The following PROK2 variants were observed in gnomAD, a reference collection of about 807,000 sequenced individuals.
PROK2 encodes prokineticin-2.
PROK2 carries 8 observed loss-of-function variants against 14.2 expected under a neutral mutation model. The ratio of observed to expected loss-of-function variants is 0.56; its 90% CI spans 0.33 to 1.02. The LOEUF (loss-of-function observed/expected upper bound fraction) is 1.02. PROK2 is among the 50% of genes least tolerant of loss of function. The pLI, the probability that PROK2 is intolerant of heterozygous loss-of-function variation, is 0.03. For missense variants in PROK2, 154 were observed against 160.4 expected (o/e 0.96, Z 0.22); for synonymous variants, 59 against 60.7 (o/e 0.97, Z 0.13).
rs72953277 is a variant in PROK2, at chr3:71,773,965, A to G, written c.285+480T>C. ...TTCCTGAGAATCTGCCTGTCTTACA[A>G]GTTATACGGAGAAAGTTTAATCCCA... On this transcript the variant is annotated intron_variant, in intron 3 of 3. Transcript: ENST00000295619. Among the ~76,000 whole-genome samples the G allele has an allele frequency of 7.8e-3, 1,181 of 152,312 alleles. 15 individuals carry two copies. Among genetic ancestry groups the G allele is most frequent in the African/African-American group, 0.027 (1,121 of 41,558 alleles).
intron 2 of PROK2, among the ~76,000 whole-genome samples, chr3:71,775,292 G>A (rs1284929662): frequency 1.3e-5 from 2 of 152,166 alleles, no homozygotes; most frequent in South Asian, 2.1e-4. Flanking sequence ...AACAGATACT[G>A]AGTGCTACCT....
At chr3:71,774,729 T>C (rs2050105405) in intron 2 of PROK2, among the ~76,000 whole-genome samples, 1 of 152,200 alleles carries the variant, frequency 6.6e-6, no homozygotes, top group African/African-American at 2.4e-5. Context: ...GTGCTCAGAA[T>C]GGTTCTGTCA....
Position 71,773,107 on chromosome 3 carries a change from G to C in PROK2, c.286-279C>G, listed in dbSNP as rs2050093188. Among the ~76,000 whole-genome samples, 3 of 152,220 alleles carry C rather than the reference G, an allele frequency of 2.0e-5. No homozygotes were observed. The South Asian group carries it at 6.2e-4, about 32-fold the overall frequency. On this transcript the variant is annotated intron_variant, in intron 3 of 3. Transcript: ENST00000295619. ...CGATTCTTCTGCCTCGGGCTCCCGAGTAGCTGGGACTACAGGTGCATGCCA... is the reference window on the plus strand; with the variant it reads ...CGATTCTTCTGCCTCGGGCTCCCGACTAGCTGGGACTACAGGTGCATGCCA...
chr3:71,773,630 T>C (rs568295525), intron 3 of PROK2, among the ~76,000 whole-genome samples: 3 of 152,356 alleles, frequency 2.0e-5, no homozygotes, highest in Non-Finnish European at 2.9e-5. Context: ...TATTAATTCA[T>C]ACATTTGCAC....
At chr3:71,776,846 C>T (rs1054461256) in intron 2 of PROK2, among the ~76,000 whole-genome samples, 2 of 152,310 alleles carry the variant, frequency 1.3e-5, no homozygotes, top group East Asian at 3.9e-4. Flanking sequence ...ACCACTTAGT[C>T]CAAACTTCAT....
intron 3 of PROK2, among the ~76,000 whole-genome samples, chr3:71,773,367 G>A (rs544817707): frequency 1.3e-4 from 20 of 152,132 alleles, no homozygotes; most frequent in Admixed American, 7.2e-4. Context: ...CCATTTTACC[G>A]ATGAGAGAAT....
chr3:71,782,663 C>T (rs1277552225), intron 1 of PROK2, among the ~76,000 whole-genome samples: 1 of 152,140 alleles, frequency 6.6e-6, no homozygotes, highest in Non-Finnish European at 1.5e-5. Flanking sequence ...ATCATCTAGG[C>T]ACAAATTTAA....
chr3:71,776,137 A>C (rs1317509466), intron 2 of PROK2, among the ~76,000 whole-genome samples: 1 of 152,052 alleles, frequency 6.6e-6, no homozygotes, highest in Non-Finnish European at 1.5e-5. Context: ...AAATCTTTGT[A>C]TTATTTCTTT....
intron 2 of PROK2, 34 bp downstream of exon 2, chr3:71,781,433 G>A (rs774400429): frequency 6.2e-7 from 1 of 1,611,062 alleles, no homozygotes; most frequent in African/African-American, 1.3e-5. Context: ...TACCACAGTA[G>A]AACCACCATG....
chr3:71,784,000 C>A (rs995192945), intron 1 of PROK2, among the ~76,000 whole-genome samples: 1 of 152,128 alleles, frequency 6.6e-6, no homozygotes, highest in African/African-American at 2.4e-5. Flanking sequence ...ATCAACATTT[C>A]AAACATAGAC....
At chr3:71,775,915 G>T (rs1239436744) in intron 2 of PROK2, among the ~76,000 whole-genome samples, 1 of 152,148 alleles carries the variant, frequency 6.6e-6, no homozygotes, top group Non-Finnish European at 1.5e-5. Flanking sequence ...CCGAAGGGCA[G>T]AAGATGACCA....
Position 71,781,539 on chromosome 3 carries a change from G to C in PROK2, c.150C>G (p.Ile50Met), listed in dbSNP as rs1388290870. The part of the protein sequence containing the change: ...CGGGMCCAVS[I>M]WVKSIRICTP... ...TGCAAATCCTTATGCTCTTGACCCA[G>C]ATACTGACAGCACAGCACATGCCTC... The change falls in exon 2 of 4, where the codon ATC (isoleucine) becomes ATG (methionine). Residue 50 changes from isoleucine (I) to methionine (M), a missense_variant. Coordinates refer to ENST00000295619, the MANE Select transcript of PROK2 (RefSeq NM_001126128.2). 13 of 1,612,782 alleles carry C rather than the reference G, an allele frequency of 8.1e-6. No individual in the cohort carries two copies. Among genetic ancestry groups the C allele is most frequent in the Non-Finnish European group, 1.1e-5 (13 of 1,178,952 alleles).
At chr3:71,778,810 T>C (rs181054976) in intron 2 of PROK2, among the ~76,000 whole-genome samples, 2 of 152,324 alleles carry the variant, frequency 1.3e-5, no homozygotes, top group African/African-American at 4.8e-5. Flanking sequence ...GGATCTTCTC[T>C]TAAAATAGGT....
intron 1 of PROK2, 124 bp from the exon 2 acceptor site, chr3:71,781,716 AT>A: frequency 9.8e-7 from 1 of 1,024,590 alleles, no homozygotes; most frequent in Non-Finnish European, 1.5e-6. Flanking sequence ...AATCAGGTAT[AT>A]TTTTTAAATG....
intron 1 of PROK2, among the ~76,000 whole-genome samples, chr3:71,783,931 G>C (rs1479145013): frequency 6.6e-6 from 1 of 152,110 alleles, no homozygotes; most frequent in Non-Finnish European, 1.5e-5. Flanking sequence ...AGAGAAAATA[G>C]AGCTTGATTT....
chr3:71,784,491 G>C (rs2050195134), intron 1 of PROK2, among the ~76,000 whole-genome samples: 1 of 152,344 alleles, frequency 6.6e-6, no homozygotes, highest in Non-Finnish European at 1.5e-5. Flanking sequence ...GCATCGGGGA[G>C]CAAACTCTTT....
intron 2 of PROK2, among the ~76,000 whole-genome samples, chr3:71,778,011 A>C (rs1208031302): frequency 6.6e-6 from 1 of 151,986 alleles, no homozygotes; most frequent in Admixed American, 6.6e-5. Flanking sequence ...CTGGCTAACA[A>C]GGTGAAACCC....
At chr3:71,783,154 C>T (rs1446283090) in intron 1 of PROK2, among the ~76,000 whole-genome samples, 2 of 152,166 alleles carry the variant, frequency 1.3e-5, no homozygotes, top group African/African-American at 4.8e-5. Context: ...CTCAATACCT[C>T]GAATTTTGAG....
chr3:71,774,289 A>C (rs1241351734), intron 3 of PROK2, among the ~76,000 whole-genome samples, 156 bp downstream of exon 3: 1 of 152,212 alleles, frequency 6.6e-6, no homozygotes, highest in Non-Finnish European at 1.5e-5. Flanking sequence ...ATCAATACAG[A>C]TTATCAAAGC....
Sources: gnomAD v4.1 joint callset for allele counts (sites outside exome capture counted in the v4.1 genomes callset) on GRCh38, gnomAD v4.1.1 for gene constraint, MANE v1.5 for transcripts, NCBI Gene and HGNC (gene_info 2026-07-23, HGNC 2026-07-21) for gene names.